CTTNBP2: variants seen among roughly 807,000 people sequenced by gnomAD.
The protein encoded by CTTNBP2 is cortactin-binding protein 2.
A neutral mutation model predicts 156.9 loss-of-function variants in CTTNBP2; 108 were observed. That is an observed-to-expected ratio of 0.69 (90% CI 0.59 to 0.81). CTTNBP2 has a LOEUF of 0.81. Among genes scored for constraint, CTTNBP2 ranks in the 30% least tolerant of loss-of-function variants. The pLI is 0.00. For synonymous variants in CTTNBP2, 767 were observed against 751.8 expected, an observed-to-expected ratio of 1.02 and a Z score of -0.33; for missense variants, 1,924 against 2,035.4, an observed-to-expected ratio of 0.95 and a Z score of 1.05.
intron 14 of CTTNBP2, among the ~76,000 whole-genome samples, chr7:117,741,713 AC>A (rs1314507862): frequency 2.6e-5 from 4 of 152,126 alleles, no homozygotes; most frequent in African/African-American, 7.2e-5. Context: ...TTGTTCAAAC[AC>A]TTCATTTTTT....
At chr7:117,768,297 C>A (rs1003246861) in intron 8 of CTTNBP2, among the ~76,000 whole-genome samples, 1 of 151,940 alleles carries the variant, frequency 6.6e-6, no homozygotes, top group Non-Finnish European at 1.5e-5. Context: ...TGTGGTGGCT[C>A]ATGTCTGTAA....
At chr7:117,736,380 C>T (rs1795689063) in intron 14 of CTTNBP2, among the ~76,000 whole-genome samples, 1 of 151,800 alleles carries the variant, frequency 6.6e-6, no homozygotes, top group Admixed American at 6.6e-5. Flanking sequence ...CACCTGAGCC[C>T]AGTGAGCTGT....
At chr7:117,847,010 G>A (rs1802625931) in intron 2 of CTTNBP2, among the ~76,000 whole-genome samples, 2 of 152,124 alleles carry the variant, frequency 1.3e-5, no homozygotes, top group Admixed American at 1.3e-4. Flanking sequence ...GACAATTTGA[G>A]ACTGTTAAGA....
chr7:117,814,490 A>C (rs1360839596), intron 2 of CTTNBP2, among the ~76,000 whole-genome samples: 1 of 152,188 alleles, frequency 6.6e-6, no homozygotes, highest in African/African-American at 2.4e-5. Flanking sequence ...CAGTGGCGTG[A>C]TCACGGCTCA....
chr7:117,727,374 A>T (rs1243495148), intron 17 of CTTNBP2, among the ~76,000 whole-genome samples: 2 of 151,516 alleles, frequency 1.3e-5, no homozygotes. Flanking sequence ...TTTTTTTTTT[A>T]AATAGAGATG....
At chr7:117,827,903 C>T (rs1449376627) in intron 2 of CTTNBP2, among the ~76,000 whole-genome samples, 1 of 152,182 alleles carries the variant, frequency 6.6e-6, no homozygotes, top group Non-Finnish European at 1.5e-5. Context: ...TTCCCCAGGA[C>T]ATTAAGAGCG....
At chr7:117,732,172 T>C (rs1795437485) in intron 16 of CTTNBP2, among the ~76,000 whole-genome samples, 1 of 152,098 alleles carries the variant, frequency 6.6e-6, no homozygotes, top group Non-Finnish European at 1.5e-5. Flanking sequence ...ACAGAGCTCT[T>C]TCAGCATACA....
intron 1 of CTTNBP2, among the ~76,000 whole-genome samples, chr7:117,863,086 C>A (rs984110245): frequency 1.3e-5 from 2 of 152,272 alleles, no homozygotes; most frequent in East Asian, 3.9e-4. Flanking sequence ...GGCTTTCAAA[C>A]AGGCATGACC....
Position 117,801,965 on chromosome 7 carries a change from G to C in CTTNBP2, c.414+8800C>G, listed in dbSNP as rs1799633122. Among the ~76,000 whole-genome samples the C allele has an allele frequency of 4.0e-5, 6 of 151,438 alleles. No homozygotes were observed. In the South Asian group the frequency reaches 1.0e-3, roughly 26 times the overall value. On this transcript the variant is annotated intron_variant, in intron 3 of 22. Transcript: ENST00000160373. ...GTACATGTGCACATTGTGCAGGTTA[G>C]TTACATATGTATACATGTGCCATGC...
chr7:117,846,491 A>G (rs1269301914), intron 2 of CTTNBP2, among the ~76,000 whole-genome samples: 2 of 152,158 alleles, frequency 1.3e-5, no homozygotes, highest in African/African-American at 4.8e-5. Flanking sequence ...GAACTCTGTT[A>G]TTAGTGAGAA....
chr7:117,767,247 G>A, intron 8 of CTTNBP2, 71 bp from the exon 9 acceptor site: 1 of 839,638 alleles, frequency 1.2e-6, no homozygotes, highest in Non-Finnish European at 2.1e-6. Flanking sequence ...CAAAGGAAAA[G>A]CCAGTTGCCT....
chr7:117,796,394 T>C (rs1584437645), intron 3 of CTTNBP2, among the ~76,000 whole-genome samples: 1 of 152,170 alleles, frequency 6.6e-6, no homozygotes, highest in African/African-American at 2.4e-5. Flanking sequence ...GAATAAGAGA[T>C]GTAGTACAAA....
chr7:117,786,433 AC>A (rs1343549276), intron 4 of CTTNBP2: 5 of 377,160 alleles, frequency 1.3e-5, no homozygotes, highest in African/African-American at 1.3e-4. Context: ...TTTCTTAAAA[AC>A]AAACAAACAA....
At chr7:117,741,410 C>G (rs1387282585) in intron 14 of CTTNBP2, among the ~76,000 whole-genome samples, 1 of 152,178 alleles carries the variant, frequency 6.6e-6, no homozygotes, top group South Asian at 2.1e-4. Context: ...TTGATACTTA[C>G]AAGTTACTAA....
chr7:117,768,071 T>A (rs1354910158), intron 8 of CTTNBP2, among the ~76,000 whole-genome samples: 3 of 130,128 alleles, frequency 2.3e-5, no homozygotes, highest in African/African-American at 8.8e-5. Flanking sequence ...AGCAATGCCC[T>A]GCCCATCACT....
At chr7:117,716,193 A>AACTTTTTTTTTTTTTTTT (rs148150566) in intron 22 of CTTNBP2, among the ~76,000 whole-genome samples, 3 of 123,996 alleles carry the variant, frequency 2.4e-5, no homozygotes, top group Middle Eastern at 4.0e-3. Flanking sequence ...TTTAAAAAAT[A>AACTTTTTTTTTTTTTTTT]TCTTAAACAA....
At chr7:117,796,705 ATGTG>A (rs897937596) in intron 3 of CTTNBP2, among the ~76,000 whole-genome samples, 1 of 152,240 alleles carries the variant, frequency 6.6e-6, no homozygotes, top group Admixed American at 6.5e-5. Flanking sequence ...TTATTTTAAA[ATGTG>A]TGTGTGACTT....
chr7:117,716,490 A>G (rs1794385933), intron 22 of CTTNBP2, among the ~76,000 whole-genome samples: 1 of 152,126 alleles, frequency 6.6e-6, no homozygotes, highest in South Asian at 2.1e-4. Flanking sequence ...GCGTCCAGTC[A>G]AGCACAGCTC....
intron 22 of CTTNBP2, among the ~76,000 whole-genome samples, chr7:117,715,224 T>C (rs1170994248): frequency 1.3e-5 from 2 of 151,912 alleles, no homozygotes; most frequent in Admixed American, 1.3e-4. Flanking sequence ...GAAGGTTCTA[T>C]GGGGAGGAGT....
Sources: allele counts gnomAD v4.1 joint callset (sites outside exome capture counted in the v4.1 genomes callset), GRCh38; gene constraint gnomAD v4.1.1; transcripts MANE v1.5; gene names NCBI Gene and HGNC (gene_info 2026-07-23, HGNC 2026-07-21).